The following FOSL2 variants were observed in gnomAD, a reference collection of about 807,000 sequenced individuals.
FOSL2 encodes FOS like 2, AP-1 transcription factor subunit.
Under a neutral mutation model 27.7 loss-of-function variants are expected in FOSL2, and 3 were observed. The ratio of observed to expected loss-of-function variants is 0.11; its 90% confidence interval spans 0.05 to 0.28. The LOEUF is 0.28. Ranked by LOEUF, FOSL2 falls within the 10% of genes least tolerant of loss-of-function variation. The probability of loss-of-function intolerance (pLI) is 1.00; values close to 1 mark genes in which losing one functional copy is unlikely to be tolerated. For synonymous variants in FOSL2, 179 were observed against 190.1 expected (o/e 0.94, Z 0.48); for missense variants, 333 against 445.1 (o/e 0.75, Z 2.27).
chr2:28,412,707 G>A lies in FOSL2; in HGVS notation c.*259G>A, dbSNP rs1391997793. ...TTTCTTGAAAAGCCTTGGAGAACTC[G>A]GTTTGGTAGACTTGGACATCTCTCT... On this transcript the variant is annotated 3_prime_UTR_variant, in exon 4 of 4. Transcript: ENST00000264716. The surrounding 1 kb of genome is among the most constrained non-coding windows in gnomAD (Gnocchi z 7.1). The A allele has an allele frequency of 4.7e-5, 23 of 493,996 alleles. No individual in the cohort carries two copies. The South Asian group carries it at 6.1e-4, about 13-fold the overall frequency. 30.6% of individuals were successfully genotyped at this position (493,996 alleles called of 1,614,324 possible).
rs1177679508 is a variant in FOSL2, at chr2:28,416,441, G to A, written c.*3993G>A. ...GAAACTGATAGCATTAAAATACTCC[G>A]TTCCTCTCTCTCTTCTCGCTTCCTT... On this transcript the variant is annotated 3_prime_UTR_variant, in exon 4 of 4. Transcript: ENST00000264716. The A allele has an allele frequency of 1.4e-5, 2 of 145,884 alleles. No homozygotes were observed. The highest frequency in any genetic ancestry group is 2.0e-4 in the East Asian group (1 of 4,934). The allele number at this position is 145,884 out of a possible 1,614,324, so 9.0% of individuals were successfully genotyped here. A position where few individuals can be genotyped will look rare whatever the true frequency, so the allele number is the denominator to read the frequency against.
chr2:28,393,447 G>T lies in FOSL2; in HGVS notation c.-274G>T, dbSNP rs1415818118. 2.4e-6 allele frequency: 1 copy of T among 413,760 alleles called. No individual in the cohort carries two copies. Among genetic ancestry groups the T allele is most frequent in the Non-Finnish European group, 4.3e-6 (1 of 231,214 alleles). 25.6% of individuals were successfully genotyped at this position (413,760 alleles called of 1,614,324 possible). ...CAGGGGAGGGACCGAGAGACGCGCC[G>T]ACTTTTTAGAGGGAGGGATCGGGTG... On this transcript the variant is annotated 5_prime_UTR_variant, in exon 1 of 4. Transcript: ENST00000264716. This position sits in a 1 kb window ranked among gnomAD's most constrained non-coding sequence, Gnocchi z 4.6.
intron 1 of FOSL2, among the ~76,000 whole-genome samples, chr2:28,394,070 G>T (rs1239885816): frequency 6.8e-6 from 1 of 147,882 alleles, no homozygotes; most frequent in Non-Finnish European, 1.5e-5. Flanking sequence ...TAGACTCCTG[G>T]AATTGTAGGC....
chr2:28,398,696 C>G (rs942292883), intron 1 of FOSL2, among the ~76,000 whole-genome samples: 1 of 152,214 alleles, frequency 6.6e-6, no homozygotes, highest in East Asian at 1.9e-4. Flanking sequence ...AGCGTGGAGG[C>G]TGAAGGGAGG....
rs757445686 is a variant in FOSL2, at chr2:28,393,810, C to T, written c.90C>T (p.Gly30=). The change falls in exon 1 of 4, where the codon GGC becomes GGT. Residue 30 remains glycine (G), a synonymous_variant. Coordinates refer to ENST00000264716, the MANE Select transcript of FOSL2 (RefSeq NM_005253.4). This position sits in a 1 kb window ranked among gnomAD's most constrained non-coding sequence, Gnocchi z 4.6. ...ACGCCGAGTCCTACTCCAGCGGCGG[C>T]GGCGGCCAGCAGGTAGGTGCGGGCC... ...PAHAESYSSG[G]GGQQKFRVDM... The T allele has an allele frequency of 1.3e-6, 2 of 1,596,788 alleles. No homozygotes were observed. The highest frequency in any genetic ancestry group is 3.4e-5 in the Admixed American group (2 of 58,418).
intron 2 of FOSL2, among the ~76,000 whole-genome samples, chr2:28,405,266 C>A (rs924004833): frequency 6.6e-6 from 1 of 152,156 alleles, no homozygotes; most frequent in African/African-American, 2.4e-5. Context: ...AAGCAAGGGC[C>A]AGACATACCT....
intron 3 of FOSL2, among the ~76,000 whole-genome samples, chr2:28,409,496 A>G (rs1372033218): frequency 6.6e-6 from 1 of 152,202 alleles, no homozygotes; most frequent in African/African-American, 2.4e-5. Context: ...CTAATTGCCC[A>G]GACCTGGGGA....
At chr2:28,400,007 T>C (rs1215765821) in intron 1 of FOSL2, among the ~76,000 whole-genome samples, 1 of 152,136 alleles carries the variant, frequency 6.6e-6, no homozygotes, top group African/African-American at 2.4e-5. Flanking sequence ...ACTATATCCT[T>C]TTATAGGCAT....
chr2:28,392,890 T>A lies in FOSL2; in HGVS notation c.-831T>A. 1 of 714,298 alleles carries A rather than the reference T, an allele frequency of 1.4e-6. No individual in the cohort carries two copies. Among genetic ancestry groups the A allele is most frequent in the Non-Finnish European group, 2.6e-6 (1 of 383,196 alleles). The allele number at this position is 714,298 out of a possible 1,614,324, so 44.2% of individuals were successfully genotyped here. On this transcript the variant is annotated 5_prime_UTR_variant, in exon 1 of 4. Transcript: ENST00000264716. ...CTCATCTCGGGCAGAGCGCTAGGGC[T>A]CCGAGCGAACCAGCGAGCGAGCGAA...
At chr2:28,394,281 A>C (rs1374656772) in intron 1 of FOSL2, among the ~76,000 whole-genome samples, 1 of 151,998 alleles carries the variant, frequency 6.6e-6, no homozygotes, top group African/African-American at 2.4e-5. Context: ...GTTCTCCATC[A>C]GTCATAACTC....
rs766520219 is a variant in FOSL2, at chr2:28,404,332, G to A, written c.328G>A (p.Val110Met). 9.9e-6 allele frequency: 16 copies of A among 1,614,160 alleles called. No individual in the cohort carries two copies. The highest frequency in any genetic ancestry group is 4.0e-5 in the African/African-American group (3 of 75,064). ...PGVIKTIGTT[V>M]GRRRRDEQLS... The stretch of plus-strand genomic sequence containing the variant: ...CGTGATCAAGACCATTGGCACCACC[G>A]TGGGCCGCAGGAGGAGAGATGAGCA... Residue 110 changes from valine (V) to methionine (M), a missense_variant, in exon 2 of 4, where the codon GTG (valine) becomes ATG (methionine). Transcript: ENST00000264716. The surrounding 1 kb of genome is among the most constrained non-coding windows in gnomAD (Gnocchi z 4.7).
chr2:28,413,862 T>C lies in FOSL2; in HGVS notation c.*1414T>C, dbSNP rs1664258850. 1.0e-5 allele frequency: 4 copies of C among 398,830 alleles called. No individual in the cohort carries two copies. The East Asian group carries it at 1.4e-4, about 14-fold the overall frequency. 24.7% of individuals were successfully genotyped at this position (398,830 alleles called of 1,614,324 possible). A position where few individuals can be genotyped will look rare whatever the true frequency, so the allele number is the denominator to read the frequency against. The stretch of plus-strand genomic sequence containing the variant: ...TTCCTGGTTGTCTGTTGAATCTTTC[T>C]GGCTGCTGGAATTGGAGATAGGATG... On this transcript the variant is annotated 3_prime_UTR_variant, in exon 4 of 4. Transcript: ENST00000264716.
At chr2:28,399,282 A>G (rs1239812361) in intron 1 of FOSL2, among the ~76,000 whole-genome samples, 1 of 152,184 alleles carries the variant, frequency 6.6e-6, no homozygotes, top group East Asian at 1.9e-4. Flanking sequence ...AGTCTCTGGG[A>G]TAAGCCCTCG....
intron 3 of FOSL2, among the ~76,000 whole-genome samples, chr2:28,411,459 T>C (rs1308604923): frequency 1.3e-5 from 2 of 152,182 alleles, no homozygotes; most frequent in Non-Finnish European, 2.9e-5. Flanking sequence ...GGGGCAGTCC[T>C]GGCACCAAGG....
chr2:28,393,897 C>T lies in FOSL2; in HGVS notation c.102+75C>T, dbSNP rs1050997300. 11 of 1,006,486 alleles carry T rather than the reference C, an allele frequency of 1.1e-5. No homozygotes were observed. In the African/African-American group the frequency reaches 1.9e-4, roughly 17 times the overall value. The allele number at this position is 1,006,486 out of a possible 1,614,324, so 62.3% of individuals were successfully genotyped here. ...CTTCTCGCCGCCACTGCCTCTTTTG[C>T]TTTCTTTTCTTTTTCTTGGCGAGAA... On this transcript the variant is annotated intron_variant, in intron 1 of 3. Transcript: ENST00000264716. This position sits in a 1 kb window ranked among gnomAD's most constrained non-coding sequence, Gnocchi z 4.6.
At chr2:28,399,966 T>C (rs1420274601) in intron 1 of FOSL2, among the ~76,000 whole-genome samples, 2 of 152,208 alleles carry the variant, frequency 1.3e-5, no homozygotes, top group African/African-American at 2.4e-5. Context: ...AAAAGTTTGC[T>C]AAACTCTGCT....
chr2:28,412,281 G>C lies in FOSL2; in HGVS notation c.814G>C (p.Ala272Pro). ...CCCCATCGTGGTGACCTCCACACCT[G>C]CTGTCACTCCGGGCACCTCGAACCT... ...HTPIVVTSTP[A>P]VTPGTSNLVF... Residue 272 changes from alanine to proline, a missense_variant, in exon 4 of 4, where the codon GCT becomes CCT. By Grantham distance (27) the Ala-to-Pro change is conservative. Around this residue, in one of 4 missense-constraint regions of FOSL2, gnomAD observed 136 missense variants for 123.7 expected, o/e 1.10. Transcript: ENST00000264716. The surrounding 1 kb of genome is among the most constrained non-coding windows in gnomAD (Gnocchi z 7.1). 1 of 1,614,120 alleles carries C rather than the reference G, an allele frequency of 6.2e-7. No individual in the cohort carries two copies. Among genetic ancestry groups the C allele is most frequent in the Non-Finnish European group, 8.5e-7 (1 of 1,180,010 alleles).
At chr2:28,396,349 G>C (rs143418481) in intron 1 of FOSL2, among the ~76,000 whole-genome samples, 1 of 152,254 alleles carries the variant, frequency 6.6e-6, no homozygotes, top group East Asian at 1.9e-4. Flanking sequence ...GCAGGAACTT[G>C]AGGCATGAAA....
rs1663709078 is a variant in FOSL2 at position 28,393,069 on chromosome 2, G to C, written c.-652G>C. On this transcript the variant is annotated 5_prime_UTR_variant, in exon 1 of 4. Coordinates refer to ENST00000264716, the MANE Select transcript of FOSL2 (RefSeq NM_005253.4). This position sits in a 1 kb window ranked among gnomAD's most constrained non-coding sequence, Gnocchi z 4.6. ...GGGGAGCGGGGCCGCGTCCCTCTCA[G>C]CGCCAGCTCTACTTGAGCCCCACGA... 1.4e-5 allele frequency: 7 copies of C among 490,800 alleles called. No homozygotes were observed. Among genetic ancestry groups the C allele is most frequent in the South Asian group, 1.0e-4 (4 of 40,062 alleles). 30.4% of individuals were successfully genotyped at this position (490,800 alleles called of 1,614,324 possible).
Sources: allele counts gnomAD v4.1 joint callset (sites outside exome capture counted in the v4.1 genomes callset), GRCh38; gene constraint gnomAD v4.1.1; regional missense constraint gnomAD v4.1.1; non-coding constraint Gnocchi (gnomAD v3.1); transcripts MANE v1.5; gene names NCBI Gene and HGNC (gene_info 2026-07-23, HGNC 2026-07-21).